MTCH1: variants seen among roughly 807,000 people sequenced by gnomAD.
The protein encoded by MTCH1 is mitochondrial carrier homolog 1.
Under a neutral mutation model 49.3 loss-of-function variants are expected in MTCH1, and 23 were observed. The ratio of observed to expected loss-of-function variants is 0.47; its 90% CI spans 0.34 to 0.66. MTCH1 has a LOEUF of 0.66. MTCH1 is among the 30% of genes least tolerant of loss of function. The pLI, the probability that MTCH1 is intolerant of heterozygous loss-of-function variation, is 0.01. For synonymous variants in MTCH1, 229 were observed against 215.2 expected, an observed-to-expected ratio of 1.06 and a Z score of -0.56; for missense variants, 397 against 532.1, an observed-to-expected ratio of 0.75 and a Z score of 2.50.
rs995466788 is a variant in MTCH1 at position 36,982,905 on chromosome 6, T to A, written c.322-1233A>T. Among the ~76,000 whole-genome samples, 9 of 152,224 alleles carry A rather than the reference T, an allele frequency of 5.9e-5. No individual in the cohort carries two copies. The highest frequency in any genetic ancestry group is 8.8e-5 in the Non-Finnish European group (6 of 68,030). On this transcript the variant is annotated intron_variant, in intron 1 of 11. Coordinates refer to ENST00000373627, the MANE Select transcript of MTCH1 (RefSeq NM_001271641.2). This position sits in a 1 kb window ranked among gnomAD's most constrained non-coding sequence, Gnocchi z 4.1. ...CCTCTAAGCAGGCCAGCTGGGCCCATGGACCAGAGCGATTCCTCTGACATG... is the reference window on the plus strand; with the variant it reads ...CCTCTAAGCAGGCCAGCTGGGCCCAAGGACCAGAGCGATTCCTCTGACATG...
Position 36,985,848 on chromosome 6 carries a change from C to G in MTCH1, c.321+5G>C. ...CATCTCCCTACGGCGCCTCTGGTCC[C>G]CCACCTGGATGAGCAGCTTCACGTA... On this transcript the variant is annotated splice_donor_5th_base_variant and intron_variant, in intron 1 of 11. Transcript: ENST00000373627. 1 of 1,554,320 alleles carries G rather than the reference C, an allele frequency of 6.4e-7. No individual in the cohort carries two copies. Among genetic ancestry groups the G allele is most frequent in the Non-Finnish European group, 8.7e-7 (1 of 1,148,896 alleles).
At position 36,969,287 on chromosome 6, in the gene MTCH1, ACACT is replaced by A. The variant is rs961381512; in HGVS notation, c.1099-317_1099-314del. ...TCAGTGCTCATAGGGAGGACGAGAC[ACACT>A]CACGCTGACCAGGGCCACTGGGAAG... On this transcript the variant is annotated intron_variant, in intron 11 of 11. Coordinates refer to ENST00000373627, the MANE Select transcript of MTCH1 (RefSeq NM_001271641.2). 108 of 985,430 alleles carry A rather than the reference ACACT, an allele frequency of 1.1e-4. No individual in the cohort carries two copies. The African/African-American group carries it at 1.8e-3, about 16-fold the overall frequency. 61.0% of individuals were successfully genotyped at this position (985,430 alleles called of 1,614,324 possible). A position where few individuals can be genotyped will look rare whatever the true frequency, so the allele number is the denominator to read the frequency against.
Position 36,986,176 on chromosome 6 carries a change from C to A in MTCH1, c.-3G>T, listed in dbSNP as rs2150756195. The A allele has an allele frequency of 1.4e-6, 2 of 1,425,534 alleles. No homozygotes were observed. The highest frequency in any genetic ancestry group is 1.4e-5 in the South Asian group (1 of 71,536). 88.3% of individuals were successfully genotyped at this position (1,425,534 alleles called of 1,614,324 possible). A position where few individuals can be genotyped will look rare whatever the true frequency, so the allele number is the denominator to read the frequency against. ...ACTTCCGGGTCCGAAGCTCCCATGG[C>A]GCCCGGCGGCGAGGTCACTCCCCGT... On this transcript the variant is annotated 5_prime_UTR_variant, in exon 1 of 12. Coordinates refer to ENST00000373627, the MANE Select transcript of MTCH1 (RefSeq NM_001271641.2).
intron 1 of MTCH1, among the ~76,000 whole-genome samples, chr6:36,984,691 A>C (rs1236537833): frequency 6.6e-6 from 1 of 150,580 alleles, no homozygotes; most frequent in African/African-American, 2.5e-5. Context: ...TAATTCTCAC[A>C]CCTCCACACG....
At chr6:36,978,875 C>T (rs911495820) in intron 2 of MTCH1, among the ~76,000 whole-genome samples, 176 of 100,420 alleles carry the variant, frequency 1.8e-3, no homozygotes, top group African/African-American at 6.5e-3. Context: ...TCCCTCCCTC[C>T]TTTTTTTTTT....
chr6:36,972,651 C>G lies in MTCH1; in HGVS notation c.906+1G>C. On this transcript the variant is annotated splice_donor_variant, in intron 8 of 11. Coordinates refer to ENST00000373627, the MANE Select transcript of MTCH1 (RefSeq NM_001271641.2). LOFTEE classifies it high-confidence loss of function. The surrounding 1 kb of genome is among the most constrained non-coding windows in gnomAD (Gnocchi z 4.1). The stretch of plus-strand genomic sequence containing the variant: ...AAGGACAAGTCCTTGTTCCAACCAA[C>G]CTGGGAACCTGGATTCTGGTCGTTT... 6.5e-7 allele frequency: 1 copy of G among 1,550,028 alleles called. No homozygotes were observed. The highest frequency in any genetic ancestry group is 8.7e-7 in the Non-Finnish European group (1 of 1,145,584).
intron 2 of MTCH1, among the ~76,000 whole-genome samples, chr6:36,980,377 T>C (rs1307469364): frequency 6.6e-6 from 1 of 152,232 alleles, no homozygotes; most frequent in Non-Finnish European, 1.5e-5. Context: ...AAAAGCCCCG[T>C]GCAGGGCCGC....
intron 1 of MTCH1, 103 bp downstream of exon 1, chr6:36,985,750 C>A: frequency 1.2e-6 from 1 of 859,850 alleles, no homozygotes; most frequent in Non-Finnish European, 1.7e-6. Context: ...CCACCCCTCT[C>A]CCCAAATCCG....
intron 1 of MTCH1, among the ~76,000 whole-genome samples, chr6:36,985,585 C>A (rs1163795721): frequency 1.3e-5 from 2 of 152,120 alleles, no homozygotes; most frequent in African/African-American, 4.8e-5. Context: ...TGGCACTCCC[C>A]CAAATCGCTT....
rs780641919 is a variant in MTCH1 at position 36,970,119 on chromosome 6, C to T, written c.1023-5G>A. 5 of 1,613,650 alleles carry T rather than the reference C, an allele frequency of 3.1e-6. No individual in the cohort carries two copies. Among genetic ancestry groups the T allele is most frequent in the South Asian group, 1.1e-5 (1 of 91,070 alleles). ...GGGGGGAGCCCAGCTTGCAGCCTGC[C>T]GGAGAAGGAGAGTGTAGATGCAGAG... is the stretch of plus-strand genomic sequence containing the variant. On this transcript the variant is annotated splice_polypyrimidine_tract_variant and splice_region_variant and intron_variant, in intron 10 of 11. Transcript: ENST00000373627.
At position 36,986,102 on chromosome 6, in the gene MTCH1, A is replaced by G; in HGVS notation, c.72T>C (p.Ala24=). The change falls in exon 1 of 12, where the codon GCT becomes GCC. Residue 24 remains alanine, a synonymous_variant. Transcript: ENST00000373627. ...CCGCTCCGCCGCGAGCTCCGGCTCC[A>G]GCTCCGGCTCCCGCCATCCCCGCGG... is the stretch of plus-strand genomic sequence containing the variant. ...GGAAGMAGAG[A]GAGARGGAAA... 2.8e-6 allele frequency: 4 copies of G among 1,438,672 alleles called. No homozygotes were observed. The highest frequency in any genetic ancestry group is 3.6e-6 in the Non-Finnish European group (4 of 1,106,740). 89.1% of individuals were successfully genotyped at this position (1,438,672 alleles called of 1,614,324 possible).
At position 36,986,185 on chromosome 6, in the gene MTCH1, G is replaced by A; in HGVS notation, c.-12C>T. 2 of 1,423,968 alleles carry A rather than the reference G, an allele frequency of 1.4e-6. No individual in the cohort carries two copies. The highest frequency in any genetic ancestry group is 1.4e-5 in the South Asian group (1 of 71,330). The allele number at this position is 1,423,968 out of a possible 1,614,324, so 88.2% of individuals were successfully genotyped here. A position where few individuals can be genotyped will look rare whatever the true frequency, so the allele number is the denominator to read the frequency against. ...TCCGAAGCTCCCATGGCGCCCGGCG[G>A]CGAGGTCACTCCCCGTCACGTGACG... On this transcript the variant is annotated 5_prime_UTR_variant, in exon 1 of 12. Transcript: ENST00000373627.
At chr6:36,975,544 G>T in intron 7 of MTCH1, 114 bp downstream of exon 7, 1 of 1,007,504 alleles carries the variant, frequency 9.9e-7, no homozygotes, top group Non-Finnish European at 1.5e-6. Flanking sequence ...CTCAGGCTAG[G>T]GCAGGGCCAT....
intron 1 of MTCH1, 111 bp downstream of exon 1, chr6:36,985,742 A>G: frequency 9.1e-6 from 1 of 109,358 alleles, no homozygotes. Context: ...CGCCGTCCCC[A>G]CCCCTCTCCC....
intron 1 of MTCH1, 53 bp downstream of exon 1, chr6:36,985,800 C>T (rs1764284632): frequency 6.6e-7 from 1 of 1,521,754 alleles, no homozygotes; most frequent in African/African-American, 1.4e-5. Context: ...AAATCCTGGC[C>T]TGTCACCTTC....
intron 1 of MTCH1, among the ~76,000 whole-genome samples, chr6:36,984,817 G>T (rs1432331475): frequency 2.0e-5 from 3 of 151,912 alleles, no homozygotes; most frequent in Non-Finnish European, 4.4e-5. Context: ...TCCCTACCTC[G>T]GTCTCAATTT....
In MTCH1 at chr6:36,981,619, C is replaced by T. The variant is rs200784328; in HGVS notation, c.375G>A (p.Lys125=). Reference sequence around the variant, plus strand: ...TGAAGAAGCTCGGCAGATAGAGGACCTTCCTCCCCAGCACATTGGTCCCAA... The same window carrying T: ...TGAAGAAGCTCGGCAGATAGAGGACTTTCCTCCCCAGCACATTGGTCCCAA... The part of the protein sequence containing the change: ...PTLGTNVLGR[K]VLYLPSFFTY... Residue 125 remains lysine, a synonymous_variant, in exon 2 of 12, where the codon AAG becomes AAA. Coordinates refer to ENST00000373627, the MANE Select transcript of MTCH1 (RefSeq NM_001271641.2). The T allele has an allele frequency of 9.9e-6, 16 of 1,614,050 alleles. No individual in the cohort carries two copies. The East Asian group carries it at 2.9e-4, about 29-fold the overall frequency.
intron 2 of MTCH1, 107 bp from the exon 3 acceptor site, chr6:36,978,718 G>T: frequency 1.1e-6 from 1 of 904,564 alleles, no homozygotes; most frequent in Non-Finnish European, 1.7e-6. Flanking sequence ...GGTAACTGCT[G>T]ACTACAGGCA....
chr6:36,977,685 A>C lies in MTCH1; in HGVS notation c.598T>G (p.Tyr200Asp). The C allele has an allele frequency of 6.2e-7, 1 of 1,609,178 alleles. No homozygotes were observed. The highest frequency in any genetic ancestry group is 8.5e-7 in the Non-Finnish European group (1 of 1,177,840). ...GACACACACTGCATCATCATCTCGT[A>C]GGAGGTCTGGAAGAGAGCATGGGGT... ...SLKKVVKETSYEMMMQCVSRM... is the reference protein window; with the variant it reads ...SLKKVVKETSDEMMMQCVSRM... The change falls in exon 5 of 12, where the codon TAC becomes GAC. Residue 200 changes from tyrosine to aspartate, a missense_variant. Physicochemically the swap from Tyr to Asp is radical, Grantham distance 160. Coordinates refer to ENST00000373627, the MANE Select transcript of MTCH1 (RefSeq NM_001271641.2). The surrounding 1 kb of genome is among the most constrained non-coding windows in gnomAD (Gnocchi z 5.4).
Sources: gnomAD v4.1 joint callset for allele counts (sites outside exome capture counted in the v4.1 genomes callset) on GRCh38, gnomAD v4.1.1 for gene constraint, Gnocchi (gnomAD v3.1) non-coding constraint, MANE v1.5 for transcripts, NCBI Gene and HGNC (gene_info 2026-07-23, HGNC 2026-07-21) for gene names.